CSMD1: variants seen among roughly 807,000 people sequenced by gnomAD.
CSMD1 encodes the protein CUB and Sushi multiple domains 1, also known as CUB and sushi domain-containing protein 1.
A neutral mutation model predicts 417.5 loss-of-function variants in CSMD1; 213 were observed. The ratio of observed to expected loss-of-function variants is 0.51; its 90% confidence interval spans 0.46 to 0.57. CSMD1 has a LOEUF of 0.57. CSMD1 is among the 20% of genes least tolerant of loss of function. The pLI is 0.00. For missense variants in CSMD1, 6,923 were observed against 4,529.7 expected (o/e 1.53, Z -15.17); for synonymous variants, 2,862 against 1,736.8 (o/e 1.65, Z -16.11).
intron 26 of CSMD1, among the ~76,000 whole-genome samples, chr8:3,240,243 G>A (rs1349851208): frequency 6.6e-6 from 1 of 152,080 alleles, no homozygotes; most frequent in Non-Finnish European, 1.5e-5. Context: ...GATGAGACAG[G>A]GAGAGCTAGG....
At chr8:4,616,086 T>C (rs754147014) in intron 2 of CSMD1, among the ~76,000 whole-genome samples, 4 of 152,200 alleles carry the variant, frequency 2.6e-5, no homozygotes, top group Admixed American at 1.3e-4. Flanking sequence ...ATAGTGCAAC[T>C]TGCCTAAGCC....
chr8:3,332,205 C>A, intron 23 of CSMD1, among the ~76,000 whole-genome samples: 1 of 152,222 alleles, frequency 6.6e-6, no homozygotes, highest in East Asian at 1.9e-4. Flanking sequence ...TGCTTGATGG[C>A]ATGAAAACAA....
At chr8:4,092,750 A>C (rs1424485966) in intron 3 of CSMD1, among the ~76,000 whole-genome samples, 1 of 152,088 alleles carries the variant, frequency 6.6e-6, no homozygotes, top group South Asian at 2.1e-4. Context: ...ATTTTCTTTA[A>C]ATATAACTTT....
chr8:4,307,700 G>C (rs144405270), intron 3 of CSMD1, among the ~76,000 whole-genome samples: 1 of 152,158 alleles, frequency 6.6e-6, no homozygotes, highest in East Asian at 1.9e-4. Context: ...CAAACGAACA[G>C]CACGATGCTC....
At chr8:2,956,550 T>A (rs1585048576) in intron 63 of CSMD1, among the ~76,000 whole-genome samples, 1 of 152,186 alleles carries the variant, frequency 6.6e-6, no homozygotes, top group African/African-American at 2.4e-5. Context: ...TCCTCCTGGG[T>A]TCACGCCATT....
At chr8:3,886,797 G>A (rs1806593536) in intron 5 of CSMD1, among the ~76,000 whole-genome samples, 1 of 152,162 alleles carries the variant, frequency 6.6e-6, no homozygotes, top group Admixed American at 6.5e-5. Flanking sequence ...AAAGATTACA[G>A]AAGGAAGGAG....
chr8:3,727,052 C>T (rs1023305877), intron 6 of CSMD1, among the ~76,000 whole-genome samples: 2 of 152,074 alleles, frequency 1.3e-5, no homozygotes, highest in Non-Finnish European at 2.9e-5. Context: ...GGTAGCTATC[C>T]TTTTTTCTCT....
At chr8:3,209,614 C>G (rs184934938) in intron 30 of CSMD1, among the ~76,000 whole-genome samples, 74 of 152,204 alleles carry the variant, frequency 4.9e-4, no homozygotes, top group African/African-American at 1.6e-3. Flanking sequence ...CCACTGCACT[C>G]GGCTATTTAA....
At chr8:4,078,110 T>A (rs1470111336) in intron 3 of CSMD1, among the ~76,000 whole-genome samples, 1 of 152,132 alleles carries the variant, frequency 6.6e-6, no homozygotes, top group Non-Finnish European at 1.5e-5. Context: ...TTCAAATAAT[T>A]TACATGGAAA....
chr8:4,704,592 G>A (rs767494384), intron 1 of CSMD1, among the ~76,000 whole-genome samples: 3 of 152,100 alleles, frequency 2.0e-5, no homozygotes, highest in African/African-American at 4.8e-5. Flanking sequence ...TAACCACATC[G>A]ATCAACTCTG....
chr8:4,838,667 G>A (rs1372092995), intron 1 of CSMD1, among the ~76,000 whole-genome samples: 3 of 152,224 alleles, frequency 2.0e-5, no homozygotes, highest in African/African-American at 4.8e-5. Context: ...GAGGTGGGAT[G>A]AGAAGCATTT....
chr8:3,732,415 T>C (rs1259039920), intron 6 of CSMD1, among the ~76,000 whole-genome samples: 1 of 152,166 alleles, frequency 6.6e-6, no homozygotes, highest in Non-Finnish European at 1.5e-5. Context: ...ATGAAATTAA[T>C]AATGAACCAA....
At chr8:3,512,481 G>C (rs748828834) in intron 10 of CSMD1, among the ~76,000 whole-genome samples, 2 of 151,988 alleles carry the variant, frequency 1.3e-5, no homozygotes, top group South Asian at 2.1e-4. Context: ...GATGCTGTAA[G>C]AGGCACTGAA....
At chr8:4,039,215 C>A (rs1486672781) in intron 3 of CSMD1, among the ~76,000 whole-genome samples, 2 of 152,140 alleles carry the variant, frequency 1.3e-5, no homozygotes, top group African/African-American at 4.8e-5. Flanking sequence ...GGTTTCTCTC[C>A]ATTTCTCTAC....
chr8:3,624,442 T>C (rs551289014), intron 7 of CSMD1, among the ~76,000 whole-genome samples: 29 of 152,368 alleles, frequency 1.9e-4, no homozygotes, highest in African/African-American at 6.0e-4. Context: ...GCCATTTAGA[T>C]AAACTCACAC....
intron 51 of CSMD1, among the ~76,000 whole-genome samples, chr8:3,019,624 C>T (rs1196411283): frequency 1.3e-5 from 2 of 152,184 alleles, no homozygotes; most frequent in Admixed American, 6.5e-5. Context: ...ACAAACTAGA[C>T]CTTAACTGGG....
intron 3 of CSMD1, among the ~76,000 whole-genome samples, chr8:4,349,798 T>C (rs1800981832): frequency 6.6e-6 from 1 of 151,262 alleles, no homozygotes; most frequent in Non-Finnish European, 1.5e-5. Flanking sequence ...CTCAATTGCT[T>C]AAAATTAAAA....
chr8:4,942,091 A>C (rs1352625109), intron 1 of CSMD1, among the ~76,000 whole-genome samples: 1 of 152,172 alleles, frequency 6.6e-6, no homozygotes. Context: ...CTATTTTTAC[A>C]GGTAACATTC....
chr8:3,223,389 G>T (rs1005878710), intron 28 of CSMD1, among the ~76,000 whole-genome samples: 5 of 152,156 alleles, frequency 3.3e-5, no homozygotes, highest in African/African-American at 2.4e-5. Context: ...GGCATTTAGA[G>T]TGATAGGAGA....
Sources: allele counts gnomAD v4.1 joint callset (sites outside exome capture counted in the v4.1 genomes callset), GRCh38; gene constraint gnomAD v4.1.1; transcripts MANE v1.5; gene names NCBI Gene and HGNC (gene_info 2026-07-23, HGNC 2026-07-21).